PCP4: variants seen among roughly 807,000 people sequenced by gnomAD.
PCP4 encodes calmodulin regulator protein PCP4.
Under a neutral mutation model 10.0 loss-of-function variants are expected in PCP4, and 8 were observed. That is an observed-to-expected ratio of 0.80 (90% CI 0.47 to 1.45). The LOEUF (loss-of-function observed/expected upper bound fraction) is 1.45. Ranked by LOEUF, PCP4 falls within the 40% of genes most tolerant of loss-of-function variation. The pLI, the probability that PCP4 is intolerant of heterozygous loss-of-function variation, is 0.00. For synonymous variants in PCP4, 21 were observed against 23.0 expected, an observed-to-expected ratio of 0.91 and a Z score of 0.24; for missense variants, 54 against 74.4, an observed-to-expected ratio of 0.73 and a Z score of 1.01.
intron 1 of PCP4, among the ~76,000 whole-genome samples, chr21:39,893,164 A>G (rs932694152): frequency 2.6e-5 from 4 of 152,128 alleles, no homozygotes; most frequent in African/African-American, 9.7e-5. Flanking sequence ...GCCTTCTCTA[A>G]TAAAACCATA....
chr21:39,913,117 T>C (rs185111498), intron 2 of PCP4, among the ~76,000 whole-genome samples: 1 of 152,282 alleles, frequency 6.6e-6, no homozygotes, highest in East Asian at 1.9e-4. Context: ...TTTAGTATCT[T>C]TTTATAAATA....
At chr21:39,917,984 C>G (rs1178989761) in intron 2 of PCP4, among the ~76,000 whole-genome samples, 1 of 152,052 alleles carries the variant, frequency 6.6e-6, no homozygotes. Flanking sequence ...TGTGAGGACA[C>G]AGAGGGAAGC....
chr21:39,869,569 CT>C (rs1568847815), intron 1 of PCP4, among the ~76,000 whole-genome samples: 1 of 152,198 alleles, frequency 6.6e-6, no homozygotes, highest in African/African-American at 2.4e-5. Flanking sequence ...CTGCCCTCTT[CT>C]CCCCCTCACA....
chr21:39,890,824 G>A (rs1261008183), intron 1 of PCP4, among the ~76,000 whole-genome samples: 1 of 152,126 alleles, frequency 6.6e-6, no homozygotes, highest in East Asian at 1.9e-4. Context: ...TCCAGTGGTG[G>A]CTATTTCAAG....
intron 2 of PCP4, among the ~76,000 whole-genome samples, chr21:39,907,210 A>G (rs760985529): frequency 1.3e-5 from 2 of 149,826 alleles, no homozygotes; most frequent in African/African-American, 2.5e-5. Flanking sequence ...CTCAAGCTAG[A>G]TGTGTTCTCC....
chr21:39,922,049 A>G (rs1039873347), intron 2 of PCP4, among the ~76,000 whole-genome samples: 2 of 152,186 alleles, frequency 1.3e-5, no homozygotes, highest in Non-Finnish European at 2.9e-5. Context: ...ACAGGATCTC[A>G]CTATGTTGCC....
In PCP4 at chr21:39,885,354, C is replaced by T. The variant is rs1231851845; in HGVS notation, c.10-13122C>T. Among the ~76,000 whole-genome samples, 16 of 152,316 alleles carry T rather than the reference C, an allele frequency of 1.1e-4. 1 individual carries two copies. The highest frequency in any genetic ancestry group is 1.9e-4 in the East Asian group (1 of 5,174). On this transcript the variant is annotated intron_variant, in intron 1 of 2. Transcript: ENST00000328619. ...AAGCAACGAGCCTGAGGCCTAGCCG[C>T]GAGCCTGAGGCCCAGCGGAGCTCCC...
At chr21:39,882,766 G>C (rs551775555) in intron 1 of PCP4, among the ~76,000 whole-genome samples, 1 of 152,292 alleles carries the variant, frequency 6.6e-6, no homozygotes, top group Admixed American at 6.5e-5. Context: ...TGAGTTACAG[G>C]CAGGGCTCAG....
At chr21:39,872,201 A>G (rs1465899951) in intron 1 of PCP4, among the ~76,000 whole-genome samples, 1 of 152,088 alleles carries the variant, frequency 6.6e-6, no homozygotes, top group Admixed American at 6.5e-5. Flanking sequence ...GCTTCACCAT[A>G]TTGGTCTGAC....
intron 1 of PCP4, among the ~76,000 whole-genome samples, chr21:39,878,287 C>T (rs1017670395): frequency 3.3e-5 from 5 of 152,074 alleles, no homozygotes; most frequent in South Asian, 2.1e-4. Context: ...CCAAAGCAGC[C>T]GGGGCTTACA....
rs2146336688 is a variant in PCP4 at position 39,896,952 on chromosome 21, C to T, written c.10-1524C>T. On this transcript the variant is annotated intron_variant, in intron 1 of 2. Coordinates refer to ENST00000328619, the MANE Select transcript of PCP4 (RefSeq NM_006198.3). The stretch of plus-strand genomic sequence containing the variant: ...TTGTTCGGTGCTCTGCTGTTTTTTT[C>T]TAGGATCCCATTCAGATAGTGGCAT... Among the ~76,000 whole-genome samples the T allele has an allele frequency of 2.0e-5, 3 of 152,138 alleles. No homozygotes were observed. In the South Asian group the frequency reaches 6.2e-4, roughly 32 times the overall value.
intron 2 of PCP4, among the ~76,000 whole-genome samples, chr21:39,920,963 C>A (rs1268368025): frequency 6.6e-6 from 1 of 152,228 alleles, no homozygotes; most frequent in African/African-American, 2.4e-5. Context: ...TCTCCAGCGG[C>A]CTGCTTTGCT....
At chr21:39,884,948 G>A (rs1298594466) in intron 1 of PCP4, among the ~76,000 whole-genome samples, 1 of 152,096 alleles carries the variant, frequency 6.6e-6, no homozygotes, top group African/African-American at 2.4e-5. Flanking sequence ...GCCCAATTAC[G>A]ATGCAAGGTA....
chr21:39,873,225 T>C (rs2087329056), intron 1 of PCP4, among the ~76,000 whole-genome samples: 4 of 152,052 alleles, frequency 2.6e-5, no homozygotes, highest in Admixed American at 2.6e-4. Flanking sequence ...TAGAAGAGAA[T>C]AAGAGAGAGT....
intron 1 of PCP4, among the ~76,000 whole-genome samples, chr21:39,882,667 C>T (rs1368153069): frequency 6.6e-6 from 1 of 152,142 alleles, no homozygotes; most frequent in Non-Finnish European, 1.5e-5. Context: ...ATGATTACAT[C>T]GTCAGTTTCA....
intron 1 of PCP4, among the ~76,000 whole-genome samples, chr21:39,890,908 A>G (rs2087427210): frequency 6.6e-6 from 1 of 152,088 alleles, no homozygotes; most frequent in African/African-American, 2.4e-5. Context: ...TTTGTTTTCA[A>G]AGGAATTTGT....
At chr21:39,897,627 A>G (rs1693105676) in intron 1 of PCP4, among the ~76,000 whole-genome samples, 1 of 152,178 alleles carries the variant, frequency 6.6e-6, no homozygotes, top group Non-Finnish European at 1.5e-5. Context: ...ACCTTAAAAG[A>G]CTTCATACTT....
chr21:39,900,281 C>T (rs943376715), intron 2 of PCP4, among the ~76,000 whole-genome samples: 7 of 152,124 alleles, frequency 4.6e-5, no homozygotes, highest in African/African-American at 1.4e-4. Flanking sequence ...CTGATCCACC[C>T]GCCTCGGCCC....
chr21:39,920,633 G>C (rs2087592774), intron 2 of PCP4, among the ~76,000 whole-genome samples: 1 of 152,138 alleles, frequency 6.6e-6, no homozygotes. Context: ...TAAGTTTAGG[G>C]GTTAATATAT....
Sources: gnomAD v4.1 joint callset for allele counts (sites outside exome capture counted in the v4.1 genomes callset) on GRCh38, gnomAD v4.1.1 for gene constraint, MANE v1.5 for transcripts, NCBI Gene and HGNC (gene_info 2026-07-23, HGNC 2026-07-21) for gene names.